MYO5C: variants seen among roughly 807,000 people sequenced by gnomAD.
The protein encoded by MYO5C is unconventional myosin-Vc.
A neutral mutation model predicts 235.7 loss-of-function variants in MYO5C; 194 were observed. The ratio of observed to expected loss-of-function variants is 0.82; its 90% confidence interval spans 0.73 to 0.93. The LOEUF is 0.93. MYO5C is among the 40% of genes least tolerant of loss of function. MYO5C has a pLI of 0.00. For missense variants in MYO5C, 2,038 were observed against 2,127.2 expected (o/e 0.96, Z 0.82); for synonymous variants, 707 against 754.8 (o/e 0.94, Z 1.04).
At chr15:52,282,739 C>G (rs773285375) in intron 2 of MYO5C, 43 bp downstream of exon 2, 3 of 1,370,768 alleles carry the variant, frequency 2.2e-6, no homozygotes, top group Non-Finnish European at 3.1e-6. Flanking sequence ...CCCCAGCTAC[C>G]GCTTTACACA....
At chr15:52,290,108 T>C (rs1024190987) in intron 1 of MYO5C, among the ~76,000 whole-genome samples, 1 of 151,956 alleles carries the variant, frequency 6.6e-6, no homozygotes, top group Admixed American at 6.6e-5. Context: ...CCCAGGTATC[T>C]AGGCTGCCTC....
At chr15:52,200,073 T>G (rs1286750519) in intron 38 of MYO5C, among the ~76,000 whole-genome samples, 1 of 152,146 alleles carries the variant, frequency 6.6e-6, no homozygotes, top group African/African-American at 2.4e-5. Context: ...AGAACTGAAC[T>G]ATGAAACATA....
At chr15:52,289,448 C>A (rs1337178925) in intron 1 of MYO5C, among the ~76,000 whole-genome samples, 1 of 152,212 alleles carries the variant, frequency 6.6e-6, no homozygotes, top group African/African-American at 2.4e-5. Flanking sequence ...GCTCTCTTGC[C>A]CCTCATGTCA....
intron 1 of MYO5C, among the ~76,000 whole-genome samples, chr15:52,286,977 TAACAAACA>T (rs10622518): frequency 3.6e-5 from 5 of 139,890 alleles, no homozygotes; most frequent in South Asian, 4.6e-4. Context: ...AAAGAAAAAC[TAACAAACA>T]AACAAACAAA....
chr15:52,226,612 A>G (rs2035827901), intron 25 of MYO5C, among the ~76,000 whole-genome samples: 1 of 152,226 alleles, frequency 6.6e-6, no homozygotes, highest in Non-Finnish European at 1.5e-5. Context: ...TAACAGGCCT[A>G]TGAGGTAAGT....
intron 2 of MYO5C, 143 bp downstream of exon 2, chr15:52,282,639 G>A (rs2037182723): frequency 1.7e-5 from 11 of 648,162 alleles, no homozygotes; most frequent in Middle Eastern, 4.1e-4. Context: ...CCGGCACCAG[G>A]AGGCCATTTG....
chr15:52,281,361 G>A (rs1057149642), intron 2 of MYO5C, among the ~76,000 whole-genome samples: 7 of 152,216 alleles, frequency 4.6e-5, no homozygotes, highest in East Asian at 3.8e-4. Context: ...CTCTGCAGCC[G>A]GGTCAAGGCC....
At chr15:52,292,113 T>G (rs2140876961) in intron 1 of MYO5C, among the ~76,000 whole-genome samples, 1 of 152,364 alleles carries the variant, frequency 6.6e-6, no homozygotes, top group East Asian at 1.9e-4. Context: ...GTTTTCATGT[T>G]ATGAACTCTT....
At chr15:52,266,315 G>A (rs1329659006) in intron 8 of MYO5C, among the ~76,000 whole-genome samples, 1 of 152,220 alleles carries the variant, frequency 6.6e-6, no homozygotes, top group Admixed American at 6.5e-5. Flanking sequence ...GGGACAGCCT[G>A]ATTCCAAGGT....
chr15:52,207,595 A>C (rs1314946067), intron 36 of MYO5C, among the ~76,000 whole-genome samples: 1 of 152,208 alleles, frequency 6.6e-6, no homozygotes, highest in Non-Finnish European at 1.5e-5. Flanking sequence ...TGAACTACAA[A>C]AGTTTAGAAG....
chr15:52,205,072 G>A lies in MYO5C; in HGVS notation c.4613C>T (p.Ser1538Phe). Reference sequence around the variant, plus strand: ...GTAGCCGTCCGTGTCGTCTATGCTAGAGGAGCGCTTCCGGAAGCCTGTGGG... The same window carrying A: ...GTAGCCGTCCGTGTCGTCTATGCTAAAGGAGCGCTTCCGGAAGCCTGTGGG... ...LKPTGFRKRS[S>F]SIDDTDGYTM... The change falls in exon 38 of 41, where the codon TCT becomes TTT. Residue 1538 changes from serine to phenylalanine, a missense_variant. Ser to Phe is a radical substitution (Grantham distance 155). Coordinates refer to ENST00000261839, the MANE Select transcript of MYO5C (RefSeq NM_018728.4). The A allele has an allele frequency of 6.2e-7, 1 of 1,614,248 alleles. No individual in the cohort carries two copies. Among genetic ancestry groups the A allele is most frequent in the South Asian group, 1.1e-5 (1 of 91,088 alleles).
intron 1 of MYO5C, among the ~76,000 whole-genome samples, chr15:52,283,862 T>C (rs780125424): frequency 1.9e-4 from 29 of 151,768 alleles, no homozygotes; most frequent in Non-Finnish European, 2.9e-4. Flanking sequence ...TTTAGTAGAG[T>C]CAGGGTCTCA....
chr15:52,211,181 G>A (rs960058722), intron 35 of MYO5C, among the ~76,000 whole-genome samples: 5 of 152,178 alleles, frequency 3.3e-5, no homozygotes, highest in African/African-American at 9.6e-5. Flanking sequence ...TTATGGAACC[G>A]CTATCAGCAA....
At chr15:52,212,501 A>C (rs2035466118) in intron 34 of MYO5C, among the ~76,000 whole-genome samples, 1 of 152,216 alleles carries the variant, frequency 6.6e-6, no homozygotes, top group South Asian at 2.1e-4. Context: ...AGAGGTGCTC[A>C]TATGAGCCAA....
At chr15:52,273,520 C>T (rs1380528316) in intron 5 of MYO5C, among the ~76,000 whole-genome samples, 1 of 152,012 alleles carries the variant, frequency 6.6e-6, no homozygotes, top group East Asian at 1.9e-4. Context: ...AGGGTGGAGC[C>T]CCTGGGAGTG....
intron 29 of MYO5C, among the ~76,000 whole-genome samples, chr15:52,222,107 C>T (rs2035701421): frequency 6.6e-6 from 1 of 152,194 alleles, no homozygotes; most frequent in South Asian, 2.1e-4. Flanking sequence ...ACGTTTAAGG[C>T]AGGCTGGGCT....
intron 24 of MYO5C, among the ~76,000 whole-genome samples, chr15:52,232,211 A>AG: frequency 1.1e-5 from 1 of 89,392 alleles, no homozygotes; most frequent in East Asian, 3.2e-4. Context: ...AGGAAGGAAA[A>AG]GAAAGAAAAT....
rs1437053924 is a variant in MYO5C, at chr15:52,202,913, A to G, written c.4820+1952T>C. On this transcript the variant is annotated intron_variant, in intron 38 of 40. Transcript: ENST00000261839. ...GTAGGTATATATATTTATGGGGTACATGAAATTTTTTTTTGTTTTTTTTTT... is the reference window on the plus strand; with the variant it reads ...GTAGGTATATATATTTATGGGGTACGTGAAATTTTTTTTTGTTTTTTTTTT... Among the ~76,000 whole-genome samples, 3 of 137,754 alleles carry G rather than the reference A, an allele frequency of 2.2e-5. No homozygotes were observed. The East Asian group carries it at 6.1e-4, about 28-fold the overall frequency. 90.4% of individuals were successfully genotyped at this position (137,754 alleles called of 152,430 possible).
At chr15:52,206,030 C>T (rs964137824) in intron 36 of MYO5C, 64 bp from the exon 37 acceptor site, 1 of 1,004,416 alleles carries the variant, frequency 1.0e-6, no homozygotes. Flanking sequence ...TAATAATCAG[C>T]TACTATAACT....
Sources: allele counts gnomAD v4.1 joint callset (sites outside exome capture counted in the v4.1 genomes callset), GRCh38; gene constraint gnomAD v4.1.1; transcripts MANE v1.5; gene names NCBI Gene and HGNC (gene_info 2026-07-23, HGNC 2026-07-21).